The following SGSM1 variants were observed in gnomAD, a reference collection of about 807,000 sequenced individuals.
The protein encoded by SGSM1 is RUN and TBC1 domain containing 2.
SGSM1 carries 73 observed loss-of-function variants against 133.8 expected under a neutral mutation model. The ratio of observed to expected loss-of-function variants is 0.55; its 90% CI spans 0.45 to 0.66. SGSM1 has a LOEUF of 0.66. Ranked by LOEUF, SGSM1 falls within the 30% of genes least tolerant of loss-of-function variation. SGSM1 has a pLI of 0.00. For missense variants in SGSM1, 1,213 were observed against 1,448.1 expected (o/e 0.84, Z 2.64); for synonymous variants, 563 against 573.0 (o/e 0.98, Z 0.25).
intron 13 of SGSM1, 21 bp from the exon 14 acceptor site, chr22:24,879,441 T>C: frequency 6.2e-7 from 1 of 1,612,732 alleles, no homozygotes; most frequent in Non-Finnish European, 8.5e-7. Flanking sequence ...TCTAAGCATC[T>C]CCCTCTTTCT....
intron 19 of SGSM1, among the ~76,000 whole-genome samples, chr22:24,900,737 T>C (rs1208383274): frequency 6.6e-6 from 1 of 152,238 alleles, no homozygotes; most frequent in South Asian, 2.1e-4. Context: ...TTTTATGATC[T>C]GTTTCTGATA....
At chr22:24,814,649 C>T (rs563004620) in intron 2 of SGSM1, among the ~76,000 whole-genome samples, 3 of 152,294 alleles carry the variant, frequency 2.0e-5, no homozygotes, top group Admixed American at 1.3e-4. Flanking sequence ...CGTGGCTCAC[C>T]CTTTTGGGAG....
rs9624651 is a variant in SGSM1, at chr22:24,900,585, T to C, written c.2611-1248T>C. 6.0e-3 allele frequency among the ~76,000 whole-genome samples: 917 copies of C among 152,088 alleles called. 5 individuals are homozygous for C. The highest frequency in any genetic ancestry group is 0.021 in the African/African-American group (861 of 41,460). ...GCTGATTTTGTATTTTTAGTAGAGA[T>C]GGGTTTTCTCCATGTTGGTCAGGCT... On this transcript the variant is annotated intron_variant, in intron 19 of 24. Coordinates refer to ENST00000400358, the MANE Select transcript of SGSM1 (RefSeq NM_001098497.3).
At position 24,845,973 on chromosome 22, in the gene SGSM1, CTT is replaced by C. The variant is rs370281022; in HGVS notation, c.139+1003_139+1004del. 6.3e-5 allele frequency among the ~76,000 whole-genome samples: 9 copies of C among 143,760 alleles called. 1 individual carries two copies. Among genetic ancestry groups the C allele is most frequent in the African/African-American group, 2.1e-4 (8 of 37,412 alleles). 94.3% of individuals were successfully genotyped at this position (143,760 alleles called of 152,430 possible). ...TCTTTCTTTCTTTCTTTCTTTCTTT[CTT>C]TCTTTCTTTCTTTCTTTCTTTCTTT... is the stretch of plus-strand genomic sequence containing the variant. On this transcript the variant is annotated intron_variant, in intron 3 of 24. Transcript: ENST00000400358.
At position 24,868,607 on chromosome 22, in the gene SGSM1, T is replaced by C. The variant is rs545891069; in HGVS notation, c.1158+68T>C. 1.2e-4 allele frequency: 193 copies of C among 1,611,592 alleles called. 2 individuals are homozygous for C. In the South Asian group the frequency reaches 2.0e-3, roughly 16 times the overall value. On this transcript the variant is annotated intron_variant, in intron 11 of 24. Transcript: ENST00000400358. ...GTCACAGAGGGTGGTTGTTTTTGCC[T>C]GTGTGCCCTTATGTGGCTATGTGGC...
intron 2 of SGSM1, among the ~76,000 whole-genome samples, chr22:24,842,867 T>C (rs1454301110): frequency 6.6e-6 from 1 of 152,180 alleles, no homozygotes; most frequent in African/African-American, 2.4e-5. Context: ...CACATGATGA[T>C]CATTATCTTG....
intron 8 of SGSM1, among the ~76,000 whole-genome samples, chr22:24,858,881 G>A (rs944025435): frequency 6.6e-6 from 1 of 152,228 alleles, no homozygotes; most frequent in African/African-American, 2.4e-5. Context: ...TAATTGAAGT[G>A]ATGACGCTTT....
At chr22:24,808,739 C>T (rs1412414903) in intron 2 of SGSM1, among the ~76,000 whole-genome samples, 3 of 152,188 alleles carry the variant, frequency 2.0e-5, no homozygotes, top group African/African-American at 7.2e-5. Context: ...TCAGTTTCTC[C>T]ATCTGCAGAA....
chr22:24,913,810 A>T (rs533849294), intron 22 of SGSM1, among the ~76,000 whole-genome samples: 1 of 151,592 alleles, frequency 6.6e-6, no homozygotes, highest in East Asian at 2.0e-4. Flanking sequence ...ACTTGAGGTC[A>T]GGAGTTTGAG....
chr22:24,824,507 C>G (rs1376895210), intron 2 of SGSM1, among the ~76,000 whole-genome samples: 1 of 152,066 alleles, frequency 6.6e-6, no homozygotes, highest in Non-Finnish European at 1.5e-5. Flanking sequence ...CAGCCCCATT[C>G]CAACCCCTCC....
At chr22:24,852,275 A>AT (rs891095717) in intron 5 of SGSM1, among the ~76,000 whole-genome samples, 1 of 152,074 alleles carries the variant, frequency 6.6e-6, no homozygotes, top group African/African-American at 2.4e-5. Flanking sequence ...TATTTACTGA[A>AT]TTTTTTTATA....
Position 24,893,427 on chromosome 22 carries a change from G to A in SGSM1, c.1771-4G>A, listed in dbSNP as rs1391241857. On this transcript the variant is annotated splice_polypyrimidine_tract_variant and splice_region_variant and intron_variant, in intron 16 of 24. Transcript: ENST00000400358. ...CTCGGGTGACATTGCATCTGCCCTGGCAGGTGGACGAGCAGATTCATGCCT... is the reference window on the plus strand; with the variant it reads ...CTCGGGTGACATTGCATCTGCCCTGACAGGTGGACGAGCAGATTCATGCCT... 2 of 1,613,392 alleles carry A rather than the reference G, an allele frequency of 1.2e-6. No individual in the cohort carries two copies. The highest frequency in any genetic ancestry group is 2.2e-5 in the South Asian group (2 of 91,026).
intron 2 of SGSM1, among the ~76,000 whole-genome samples, chr22:24,820,408 TGAAC>T (rs1928399288): frequency 6.6e-6 from 1 of 152,128 alleles, no homozygotes; most frequent in African/African-American, 2.4e-5. Context: ...AGCAAGCCAG[TGAAC>T]GATTAACTCG....
chr22:24,864,363 CAA>C (rs1285473813), intron 9 of SGSM1, among the ~76,000 whole-genome samples: 1 of 152,228 alleles, frequency 6.6e-6, no homozygotes, highest in Non-Finnish European at 1.5e-5. Context: ...AACTTATACA[CAA>C]ATGCTTATAA....
Position 24,924,337 on chromosome 22 carries a change from C to A in SGSM1, c.*63C>A. On this transcript the variant is annotated 3_prime_UTR_variant, in exon 25 of 25. Transcript: ENST00000400358. Reference sequence around the variant, plus strand: ...CTGCCCCGCTCCTCTGCTTACTTTTCCTCCTGGCTGGATGGGCACCCCGGG... The same window carrying A: ...CTGCCCCGCTCCTCTGCTTACTTTTACTCCTGGCTGGATGGGCACCCCGGG... The A allele has an allele frequency of 6.7e-7, 1 of 1,492,980 alleles. No individual in the cohort carries two copies. The highest frequency in any genetic ancestry group is 1.1e-5 in the South Asian group (1 of 87,724). The allele number at this position is 1,492,980 out of a possible 1,614,324, so 92.5% of individuals were successfully genotyped here.
intron 16 of SGSM1, among the ~76,000 whole-genome samples, chr22:24,887,910 T>C (rs1932708922): frequency 6.6e-6 from 1 of 152,260 alleles, no homozygotes; most frequent in African/African-American, 2.4e-5. Flanking sequence ...GGATAATTGA[T>C]ATTTCCTTGT....
intron 21 of SGSM1, among the ~76,000 whole-genome samples, chr22:24,908,335 G>T (rs976659526): frequency 1.6e-5 from 1 of 61,814 alleles, no homozygotes; most frequent in African/African-American, 5.7e-5. Context: ...AAAACATAAA[G>T]AAAGAAAAAA....
At chr22:24,807,910 T>C (rs1286846215) in intron 2 of SGSM1, among the ~76,000 whole-genome samples, 1 of 151,924 alleles carries the variant, frequency 6.6e-6, no homozygotes, top group Non-Finnish European at 1.5e-5. Flanking sequence ...TGTGTGTGTG[T>C]GTCTCTGTGT....
In SGSM1 at chr22:24,818,687, A is replaced by G. The variant is rs190668897; in HGVS notation, c.63+12203A>G. 1.1e-3 allele frequency among the ~76,000 whole-genome samples: 163 copies of G among 152,150 alleles called. 1 individual carries two copies. The highest frequency in any genetic ancestry group is 3.9e-3 in the African/African-American group (161 of 41,536). Reference sequence around the variant, plus strand: ...CAGGCGTGGATTAGGACGTTAAAATATGAATTTTAGAGGGATATGCCAAAA... The same window carrying G: ...CAGGCGTGGATTAGGACGTTAAAATGTGAATTTTAGAGGGATATGCCAAAA... On this transcript the variant is annotated intron_variant, in intron 2 of 24. Coordinates refer to ENST00000400358, the MANE Select transcript of SGSM1 (RefSeq NM_001098497.3).
Sources: gnomAD v4.1 joint callset for allele counts (sites outside exome capture counted in the v4.1 genomes callset) on GRCh38, gnomAD v4.1.1 for gene constraint, MANE v1.5 for transcripts, NCBI Gene and HGNC (gene_info 2026-07-23, HGNC 2026-07-21) for gene names.